NHS: variants seen among roughly 807,000 people sequenced by gnomAD.
NHS encodes NHS actin remodeling regulator, also known as actin remodeling regulator NHS.
A neutral mutation model predicts 72.5 loss-of-function variants in NHS; 5 were observed. The ratio of observed to expected loss-of-function variants is 0.07; its 90% CI spans 0.04 to 0.14. The LOEUF (loss-of-function observed/expected upper bound fraction) is 0.14. Among genes scored for constraint, NHS ranks in the 10% least tolerant of loss-of-function variants. NHS has a pLI of 1.00. For missense variants in NHS, 1,072 were observed against 1,355.7 expected (o/e 0.79, Z 3.29); for synonymous variants, 464 against 547.7 (o/e 0.85, Z 2.13).
At chrX:17,438,339 G>A (rs1333877476) in intron 1 of NHS, among the ~76,000 whole-genome samples, 3 of 112,423 alleles carry the variant, frequency 2.7e-5, no homozygotes, top group African/African-American at 9.7e-5. Context: ...CTGGATCGCT[G>A]TATCCAGCAA....
intron 1 of NHS, among the ~76,000 whole-genome samples, chrX:17,443,847 T>C (rs113606670): frequency 7.3e-4 from 82 of 112,554 alleles, no homozygotes; most frequent in African/African-American, 2.5e-3. Flanking sequence ...ATTCGTTTGT[T>C]AGACATTTCA....
intron 1 of NHS, among the ~76,000 whole-genome samples, chrX:17,646,792 G>A (rs2065907754): frequency 1.8e-5 from 2 of 112,179 alleles, no homozygotes; most frequent in Non-Finnish European, 3.8e-5. Flanking sequence ...GTTTTTAACT[G>A]CAGATGTAGA....
chrX:17,467,732 A>G (rs1416714055), intron 1 of NHS, among the ~76,000 whole-genome samples: 2 of 111,995 alleles, frequency 1.8e-5, no homozygotes, highest in Non-Finnish European at 3.8e-5. Flanking sequence ...ACAGACAAAA[A>G]CAACAAAACC....
In NHS at chrX:17,659,536, C is replaced by T. The variant is rs1266584189; in HGVS notation, c.566-28206C>T. On this transcript the variant is annotated intron_variant, in intron 1 of 8. Transcript: ENST00000676302. The stretch of plus-strand genomic sequence containing the variant: ...GCAGGGCTGAAATCATACCTAGATC[C>T]CCTTCTCTTGGCTTAGTGCTCCTTC... Among the ~76,000 whole-genome samples the T allele has an allele frequency of 2.7e-5, 3 of 111,826 alleles. No individual in the cohort carries two copies. The Admixed American group carries it at 2.9e-4, about 11-fold the overall frequency.
intron 1 of NHS, among the ~76,000 whole-genome samples, chrX:17,522,687 T>C (rs1432875442): frequency 9.0e-6 from 1 of 110,647 alleles, no homozygotes; most frequent in Non-Finnish European, 1.9e-5. Flanking sequence ...GCAGGGAAGC[T>C]TTCTTTGTGA....
In NHS at chrX:17,608,195, G is replaced by A. The variant is rs1284665253; in HGVS notation, c.566-79547G>A. ...CTCCCAAAGCGTTTGGATTACAGGC[G>A]TGAGCCACCATGCCTGGCCAGGTCC... On this transcript the variant is annotated intron_variant, in intron 1 of 8. Coordinates refer to ENST00000676302, the MANE Select transcript of NHS (RefSeq NM_001291867.2). Among the ~76,000 whole-genome samples the A allele has an allele frequency of 2.7e-5, 3 of 111,321 alleles. No individual in the cohort carries two copies. The Admixed American group carries it at 2.9e-4, about 11-fold the overall frequency.
At chrX:17,634,444 T>G (rs912563208) in intron 1 of NHS, among the ~76,000 whole-genome samples, 1 of 111,836 alleles carries the variant, frequency 8.9e-6, no homozygotes, top group African/African-American at 3.3e-5. Flanking sequence ...TCTTCATTAG[T>G]TTATCTTCTT....
intron 1 of NHS, among the ~76,000 whole-genome samples, chrX:17,520,700 G>A (rs918919280): frequency 8.0e-5 from 9 of 111,867 alleles, no homozygotes; most frequent in Middle Eastern, 4.6e-3. Context: ...AAATATTGCC[G>A]TCATTATTTG....
At chrX:17,668,668 C>A (rs1455453522) in intron 1 of NHS, among the ~76,000 whole-genome samples, 1 of 111,101 alleles carries the variant, frequency 9.0e-6, no homozygotes, top group Non-Finnish European at 1.9e-5. Flanking sequence ...AGTTTGAATT[C>A]CCCCAGAAGT....
intron 1 of NHS, among the ~76,000 whole-genome samples, chrX:17,587,449 A>G (rs999921966): frequency 8.0e-5 from 9 of 112,585 alleles, no homozygotes; most frequent in African/African-American, 2.6e-4. Context: ...GTTGTCCACT[A>G]AATCTGCTTG....
intron 1 of NHS, among the ~76,000 whole-genome samples, chrX:17,428,976 C>T (rs1442135775): frequency 9.0e-6 from 1 of 111,336 alleles, no homozygotes; most frequent in Non-Finnish European, 1.9e-5. Flanking sequence ...TTATTTAATC[C>T]AACTGCGCAT....
intron 1 of NHS, among the ~76,000 whole-genome samples, chrX:17,542,199 T>C (rs760799546): frequency 7.9e-5 from 9 of 113,281 alleles, no homozygotes; most frequent in African/African-American, 2.9e-4. Flanking sequence ...GCCAACATTG[T>C]CCTGCAAGAC....
chrX:17,570,596 A>G (rs1355796164), intron 1 of NHS, among the ~76,000 whole-genome samples: 3 of 111,763 alleles, frequency 2.7e-5, no homozygotes, highest in African/African-American at 9.8e-5. Context: ...TTCTAAATAT[A>G]CAATCATGTC....
At chrX:17,565,983 CTT>C (rs538804816) in intron 1 of NHS, among the ~76,000 whole-genome samples, 11 of 97,244 alleles carry the variant, frequency 1.1e-4, no homozygotes, top group Admixed American at 2.2e-4. Context: ...GACTTTCTGT[CTT>C]TTTTTTTTTT....
At chrX:17,558,214 G>A (rs181332769) in intron 1 of NHS, among the ~76,000 whole-genome samples, 384 of 111,749 alleles carry the variant, frequency 3.4e-3, no homozygotes, top group Non-Finnish European at 5.2e-3. Flanking sequence ...GATTCCTGGC[G>A]TTACAAACTC....
At chrX:17,495,495 A>T (rs1271280647) in intron 1 of NHS, among the ~76,000 whole-genome samples, 1 of 112,129 alleles carries the variant, frequency 8.9e-6, no homozygotes, top group African/African-American at 3.2e-5. Flanking sequence ...TTTCATATAC[A>T]TAATTTCATC....
At chrX:17,468,020 C>T (rs1228781704) in intron 1 of NHS, among the ~76,000 whole-genome samples, 3 of 110,961 alleles carry the variant, frequency 2.7e-5, no homozygotes, top group Non-Finnish European at 1.9e-5. Flanking sequence ...ACTGCCACCC[C>T]AGGGATTTGG....
At chrX:17,677,747 C>T (rs1192956173) in intron 1 of NHS, among the ~76,000 whole-genome samples, 1 of 111,842 alleles carries the variant, frequency 8.9e-6, no homozygotes, top group Non-Finnish European at 1.9e-5. Flanking sequence ...GTGCACCCAC[C>T]TGGTAGAACA....
intron 1 of NHS, among the ~76,000 whole-genome samples, chrX:17,667,153 T>G (rs1456175686): frequency 8.9e-6 from 1 of 112,789 alleles, no homozygotes; most frequent in African/African-American, 3.2e-5. Context: ...GCTCAGACTC[T>G]CTGGCCTGCC....
Sources: allele counts gnomAD v4.1 joint callset (sites outside exome capture counted in the v4.1 genomes callset), GRCh38; gene constraint gnomAD v4.1.1; transcripts MANE v1.5; gene names NCBI Gene and HGNC (gene_info 2026-07-23, HGNC 2026-07-21).